The following GRB14 variants were observed in gnomAD, a reference collection of about 807,000 sequenced individuals.
GRB14 encodes growth factor receptor-bound protein 14.
Under a neutral mutation model 69.1 loss-of-function variants are expected in GRB14, and 38 were observed. The ratio of observed to expected loss-of-function variants is 0.55; its 90% confidence interval spans 0.42 to 0.72. The LOEUF (loss-of-function observed/expected upper bound fraction) is 0.72. Among genes scored for constraint, GRB14 ranks in the 30% least tolerant of loss-of-function variants. The pLI is 0.00. For missense variants in GRB14, 666 were observed against 666.1 expected (o/e 1.00, Z 0.00); for synonymous variants, 247 against 241.3 (o/e 1.02, Z -0.22).
chr2:164,573,737 A>T lies in GRB14; in HGVS notation c.325-25921T>A, dbSNP rs950638577. 3 of 1,607,194 alleles carry T rather than the reference A, an allele frequency of 1.9e-6. No individual in the cohort carries two copies. The African/African-American group carries it at 4.0e-5, about 22-fold the overall frequency. Reference sequence around the variant, plus strand: ...TATTCTAATTAAGTTTCTTCTCAATATTCATGCCCGTCTCTTCATATTTGA... The same window carrying T: ...TATTCTAATTAAGTTTCTTCTCAATTTTCATGCCCGTCTCTTCATATTTGA... On this transcript the variant is annotated intron_variant, in intron 2 of 13. Coordinates refer to ENST00000263915, the MANE Select transcript of GRB14 (RefSeq NM_004490.3).
chr2:164,495,855 AC>A (rs1359621691), intron 12 of GRB14, among the ~76,000 whole-genome samples: 1 of 152,230 alleles, frequency 6.6e-6, no homozygotes, highest in African/African-American at 2.4e-5. Context: ...CCAAAAGAAT[AC>A]CAAAAATACT....
At chr2:164,583,879 T>C (rs1574332608) in intron 2 of GRB14, among the ~76,000 whole-genome samples, 2 of 152,276 alleles carry the variant, frequency 1.3e-5, no homozygotes, top group Admixed American at 6.5e-5. Flanking sequence ...GAGTCTCCTT[T>C]CCTGGTGCTG....
intron 2 of GRB14, among the ~76,000 whole-genome samples, chr2:164,584,097 T>C (rs1250051315): frequency 6.7e-6 from 1 of 149,236 alleles, no homozygotes; most frequent in East Asian, 2.0e-4. Flanking sequence ...GCAATTCTCC[T>C]GCCTCAGTCT....
At chr2:164,539,475 GA>G (rs5835987) in intron 3 of GRB14, among the ~76,000 whole-genome samples, 8 of 149,364 alleles carry the variant, frequency 5.4e-5, no homozygotes, top group South Asian at 2.1e-4. Flanking sequence ...CTCCATCTCG[GA>G]AAAAAAAAAT....
chr2:164,546,385 G>A (rs565359838), intron 3 of GRB14, among the ~76,000 whole-genome samples: 2 of 152,122 alleles, frequency 1.3e-5, no homozygotes, highest in African/African-American at 4.8e-5. Context: ...AGAAAAGCAG[G>A]ACTTCCTGAA....
At chr2:164,561,672 C>T (rs1257900349) in intron 2 of GRB14, among the ~76,000 whole-genome samples, 3 of 152,182 alleles carry the variant, frequency 2.0e-5, no homozygotes, top group Non-Finnish European at 2.9e-5. Context: ...CTCTGTCCCA[C>T]CTCTGTCATT....
intron 3 of GRB14, among the ~76,000 whole-genome samples, chr2:164,544,712 T>C (rs1688325089): frequency 6.6e-6 from 1 of 152,158 alleles, no homozygotes; most frequent in Non-Finnish European, 1.5e-5. Context: ...GGCTGAGCTG[T>C]CAAAGTCAGT....
chr2:164,531,058 C>T (rs913154370), intron 3 of GRB14, among the ~76,000 whole-genome samples: 4 of 152,146 alleles, frequency 2.6e-5, no homozygotes, highest in African/African-American at 7.2e-5. Context: ...CAACAGAATT[C>T]ACTGACAAAT....
chr2:164,600,564 G>T (rs1370759460), intron 2 of GRB14, among the ~76,000 whole-genome samples: 23 of 152,150 alleles, frequency 1.5e-4, no homozygotes, highest in African/African-American at 5.3e-4. Flanking sequence ...GCAGGTACTT[G>T]TTAAAGGTTT....
At chr2:164,563,164 TC>T (rs1333954945) in intron 2 of GRB14, among the ~76,000 whole-genome samples, 1 of 152,104 alleles carries the variant, frequency 6.6e-6, no homozygotes, top group Non-Finnish European at 1.5e-5. Flanking sequence ...ATCTGCTCTC[TC>T]CCCACTTATT....
chr2:164,610,562 T>C (rs141547932), intron 2 of GRB14, among the ~76,000 whole-genome samples: 2,980 of 152,114 alleles, frequency 0.02, 190 homozygotes, highest in Admixed American at 0.13. Flanking sequence ...AAAATAAAAA[T>C]ATAATTTATT....
chr2:164,499,510 T>C (rs182524430), intron 9 of GRB14, among the ~76,000 whole-genome samples: 10 of 152,104 alleles, frequency 6.6e-5, no homozygotes, highest in African/African-American at 9.7e-5. Flanking sequence ...TTCTTTCACA[T>C]AGAAAAGCAA....
chr2:164,558,137 C>T (rs1473249341), intron 2 of GRB14, among the ~76,000 whole-genome samples: 1 of 152,128 alleles, frequency 6.6e-6, no homozygotes, highest in Non-Finnish European at 1.5e-5. Flanking sequence ...TAAAGCCCCT[C>T]CATTCACCTT....
intron 2 of GRB14, among the ~76,000 whole-genome samples, chr2:164,560,104 G>A (rs878971917): frequency 1.3e-5 from 2 of 152,112 alleles, no homozygotes; most frequent in Admixed American, 6.6e-5. Flanking sequence ...GTCACCAGCT[G>A]AGCCAGCCAC....
chr2:164,580,227 T>C (rs1241507578), intron 2 of GRB14, among the ~76,000 whole-genome samples: 1 of 151,914 alleles, frequency 6.6e-6, no homozygotes, highest in Non-Finnish European at 1.5e-5. Flanking sequence ...CCCAACTAGC[T>C]GGGATTACAG....
intron 3 of GRB14, 36 bp from the exon 4 acceptor site, chr2:164,527,171 AGAC>A: frequency 2.1e-6 from 1 of 476,786 alleles, no homozygotes. Flanking sequence ...GTTGACAGAT[AGAC>A]AAATATATAT....
intron 6 of GRB14, 46 bp from the exon 7 acceptor site, chr2:164,508,898 T>C (rs1328181538): frequency 2.3e-6 from 3 of 1,319,788 alleles, no homozygotes; most frequent in Non-Finnish European, 3.1e-6. Context: ...TTGCATTATC[T>C]TTTTTGTGTG....
chr2:164,583,991 CT>C lies in GRB14; in HGVS notation c.324+35695del, dbSNP rs373813114. 4.1e-3 allele frequency among the ~76,000 whole-genome samples: 582 copies of C among 142,232 alleles called. 1 individual carries two copies. Among genetic ancestry groups the C allele is most frequent in the African/African-American group, 0.011 (423 of 39,112 alleles). 93.3% of individuals were successfully genotyped at this position (142,232 alleles called of 152,430 possible). On this transcript the variant is annotated intron_variant, in intron 2 of 13. Transcript: ENST00000263915. ...ATTATGCAGAATTTAGAATGCATTGCTTTTTTTTTTTGGAGACAGAGTCTTG... is the reference window on the plus strand; with the variant it reads ...ATTATGCAGAATTTAGAATGCATTGCTTTTTTTTTTGGAGACAGAGTCTTG...
chr2:164,503,175 A>G (rs1261141202), intron 8 of GRB14, among the ~76,000 whole-genome samples: 1 of 150,132 alleles, frequency 6.7e-6, no homozygotes, highest in Non-Finnish European at 1.5e-5. Flanking sequence ...TTGTTAAAAA[A>G]AAAAAAAAAA....
Sources: allele counts gnomAD v4.1 joint callset (sites outside exome capture counted in the v4.1 genomes callset), GRCh38; gene constraint gnomAD v4.1.1; transcripts MANE v1.5; gene names NCBI Gene and HGNC (gene_info 2026-07-23, HGNC 2026-07-21).